The following PITPNC1 variants were observed in gnomAD, a reference collection of about 807,000 sequenced individuals.
The protein encoded by PITPNC1 is cytoplasmic phosphatidylinositol transfer protein 1.
A neutral mutation model predicts 44.7 loss-of-function variants in PITPNC1; 18 were observed. The observed-to-expected ratio is 0.40, with a 90% CI of 0.28 to 0.60. The LOEUF is 0.60. PITPNC1 is among the 20% of genes least tolerant of loss of function. The probability of loss-of-function intolerance (pLI) is 0.39; values close to 1 mark genes in which losing one functional copy is unlikely to be tolerated. For missense variants in PITPNC1, 290 were observed against 418.4 expected, an observed-to-expected ratio of 0.69 and a Z score of 2.68; for synonymous variants, 141 against 149.6, an observed-to-expected ratio of 0.94 and a Z score of 0.42.
intron 1 of PITPNC1, among the ~76,000 whole-genome samples, chr17:67,426,100 T>C (rs568960975): frequency 6.6e-6 from 1 of 152,190 alleles, no homozygotes; most frequent in Admixed American, 6.6e-5. Flanking sequence ...GAAATTCTTT[T>C]GAATATAAAT....
intron 1 of PITPNC1, among the ~76,000 whole-genome samples, chr17:67,381,326 C>CAA (rs1221190761): frequency 0.015 from 755 of 51,108 alleles, 13 homozygotes; most frequent in African/African-American, 0.05. Flanking sequence ...AGACTCCACT[C>CAA]AAAAAAAAAA....
At chr17:67,475,621 C>A (rs758738690) in intron 1 of PITPNC1, among the ~76,000 whole-genome samples, 1 of 152,110 alleles carries the variant, frequency 6.6e-6, no homozygotes, top group African/African-American at 2.4e-5. Flanking sequence ...CCCTTTGCTG[C>A]GAGGGAGCTT....
At chr17:67,453,893 T>C (rs542057523) in intron 1 of PITPNC1, among the ~76,000 whole-genome samples, 1 of 152,314 alleles carries the variant, frequency 6.6e-6, no homozygotes, top group Non-Finnish European at 1.5e-5. Flanking sequence ...TTCACCAGAA[T>C]GTACTGGCTT....
Position 67,552,260 on chromosome 17 carries a change from A to G in PITPNC1, c.201A>G (p.Lys67=), listed in dbSNP as rs369774854. ...FTEKRVYLNS[K]LPSWARAVVP... ...TTTTTTCTTTCTTTCCTCTTAGCAA[A>G]CTGCCTAGTTGGGCTAGAGCTGTTG... Residue 67 remains lysine (K), a synonymous_variant, in exon 3 of 9, where the codon AAA becomes AAG. Coordinates refer to ENST00000581322, the MANE Select transcript of PITPNC1 (RefSeq NM_012417.4). 1.9e-5 allele frequency: 29 copies of G among 1,564,804 alleles called. No individual in the cohort carries two copies. In the East Asian group the frequency reaches 2.0e-4, roughly 11 times the overall value.
chr17:67,423,163 G>T (rs569937602), intron 1 of PITPNC1, among the ~76,000 whole-genome samples: 172 of 152,264 alleles, frequency 1.1e-3, no homozygotes, highest in African/African-American at 4.0e-3. Context: ...AACTTGTTCG[G>T]AAGCTTTTTG....
chr17:67,432,305 CG>C (rs962112048), intron 1 of PITPNC1, among the ~76,000 whole-genome samples: 1 of 152,026 alleles, frequency 6.6e-6, no homozygotes, highest in African/African-American at 2.4e-5. Context: ...CTGGCTAACA[CG>C]GTGAAACCCC....
intron 1 of PITPNC1, among the ~76,000 whole-genome samples, chr17:67,528,432 TATC>T (rs146651098): frequency 0.012 from 1,833 of 152,334 alleles, 36 homozygotes; most frequent in African/African-American, 0.043. Context: ...AGTGATGCTG[TATC>T]ATCATCATCA....
At chr17:67,589,356 C>T (rs1268647843) in intron 5 of PITPNC1, among the ~76,000 whole-genome samples, 1 of 152,190 alleles carries the variant, frequency 6.6e-6, no homozygotes, top group Non-Finnish European at 1.5e-5. Flanking sequence ...TAGAAGACAG[C>T]TTAAAGTAGT....
intron 6 of PITPNC1, 78 bp downstream of exon 6, chr17:67,632,316 C>T: frequency 5.6e-6 from 5 of 895,772 alleles, no homozygotes; most frequent in Non-Finnish European, 9.2e-6. Context: ...TGCCTCCTAA[C>T]TTGGGAGGAT....
At chr17:67,653,681 T>C (rs1431534594) in intron 6 of PITPNC1, among the ~76,000 whole-genome samples, 3 of 151,346 alleles carry the variant, frequency 2.0e-5, no homozygotes, top group East Asian at 3.9e-4. Flanking sequence ...ACGGAACTTT[T>C]CCTGAAGCCT....
At chr17:67,526,455 G>A (rs1479189340) in intron 1 of PITPNC1, among the ~76,000 whole-genome samples, 2 of 152,238 alleles carry the variant, frequency 1.3e-5, no homozygotes, top group African/African-American at 4.8e-5. Flanking sequence ...TTGGCTGGGT[G>A]TGGTGGCTCA....
chr17:67,476,069 A>G (rs1033032889), intron 1 of PITPNC1, among the ~76,000 whole-genome samples: 2 of 152,186 alleles, frequency 1.3e-5, no homozygotes, highest in African/African-American at 4.8e-5. Flanking sequence ...ATTATATTCT[A>G]TCCCCTTCCA....
intron 1 of PITPNC1, chr17:67,378,862 C>A: frequency 2.3e-6 from 1 of 440,530 alleles, no homozygotes; most frequent in Non-Finnish European, 3.0e-6. Context: ...GGCGCGCGAG[C>A]CGGGAGCGGC....
intron 1 of PITPNC1, among the ~76,000 whole-genome samples, chr17:67,469,933 T>C (rs2039491864): frequency 6.6e-6 from 1 of 151,912 alleles, no homozygotes; most frequent in Non-Finnish European, 1.5e-5. Flanking sequence ...TATATATAAT[T>C]TTTTTTTGAG....
intron 6 of PITPNC1, among the ~76,000 whole-genome samples, chr17:67,660,621 C>T (rs1330627751): frequency 3.3e-5 from 5 of 151,488 alleles, no homozygotes; most frequent in Admixed American, 2.0e-4. Flanking sequence ...TCTCAGCTCA[C>T]GGCAGCCTCT....
chr17:67,450,688 G>T (rs1453926506), intron 1 of PITPNC1, among the ~76,000 whole-genome samples: 1 of 152,150 alleles, frequency 6.6e-6, no homozygotes, highest in Admixed American at 6.5e-5. Flanking sequence ...CAGACTCCCA[G>T]AGTGCTGGGA....
Position 67,378,130 on chromosome 17 carries a change from C to T in PITPNC1, c.-25C>T. 3 of 1,521,898 alleles carry T rather than the reference C, an allele frequency of 2.0e-6. No homozygotes were observed. The highest frequency in any genetic ancestry group is 1.8e-6 in the Non-Finnish European group (2 of 1,134,226). The allele number at this position is 1,521,898 out of a possible 1,614,324, so 94.3% of individuals were successfully genotyped here. A position where few individuals can be genotyped will look rare whatever the true frequency, so the allele number is the denominator to read the frequency against. ...TTGGGGGCGCCCCCCGCTTCCCGCC[C>T]CGGGGGTCCGCGGCCGGCAGGACCA... is the stretch of plus-strand genomic sequence containing the variant. On this transcript the variant is annotated 5_prime_UTR_variant, in exon 1 of 9. Coordinates refer to ENST00000581322, the MANE Select transcript of PITPNC1 (RefSeq NM_012417.4).
intron 5 of PITPNC1, among the ~76,000 whole-genome samples, chr17:67,615,002 T>C (rs1265020011): frequency 6.6e-6 from 1 of 151,906 alleles, no homozygotes; most frequent in African/African-American, 2.4e-5. Context: ...TCATACCTAA[T>C]TCTACCACAA....
intron 5 of PITPNC1, among the ~76,000 whole-genome samples, chr17:67,588,270 C>A (rs2041348381): frequency 6.6e-6 from 1 of 152,184 alleles, no homozygotes; most frequent in African/African-American, 2.4e-5. Flanking sequence ...TCCCAAAGTG[C>A]TGGGATTACA....
Sources: gnomAD v4.1 joint callset for allele counts (sites outside exome capture counted in the v4.1 genomes callset) on GRCh38, gnomAD v4.1.1 for gene constraint, MANE v1.5 for transcripts, NCBI Gene and HGNC (gene_info 2026-07-23, HGNC 2026-07-21) for gene names.